Variants in GPR158 observed in about 807,000 individuals in gnomAD.
The protein encoded by GPR158 is G protein-coupled receptor 158, also known as metabotropic glycine receptor.
GPR158 carries 30 observed loss-of-function variants against 78.2 expected under a neutral mutation model. The ratio of observed to expected loss-of-function variants is 0.38; its 90% CI spans 0.29 to 0.52. The LOEUF is 0.52. GPR158 is among the 20% of genes least tolerant of loss of function. GPR158 has a pLI of 0.83. For synonymous variants in GPR158, 581 were observed against 591.1 expected (o/e 0.98, Z 0.25); for missense variants, 1,463 against 1,523.5 (o/e 0.96, Z 0.66).
At chr10:25,438,875 A>C (rs1370378850) in intron 4 of GPR158, among the ~76,000 whole-genome samples, 1 of 152,236 alleles carries the variant, frequency 6.6e-6, no homozygotes, top group Non-Finnish European at 1.5e-5. Flanking sequence ...GCTGCCATTT[A>C]GAAAAAAAAT....
At chr10:25,466,780 T>A in intron 5 of GPR158, 61 bp downstream of exon 5, 1 of 877,742 alleles carries the variant, frequency 1.1e-6, no homozygotes, top group Non-Finnish European at 1.8e-6. Context: ...ACTATAAAGT[T>A]ACTGTTTACA....
chr10:25,599,369 C>A lies in GPR158; in HGVS notation c.*95C>A. 1.0e-6 allele frequency: 1 copy of A among 985,592 alleles called. No homozygotes were observed. Among genetic ancestry groups the A allele is most frequent in the Non-Finnish European group, 1.5e-6 (1 of 671,166 alleles). 61.1% of individuals were successfully genotyped at this position (985,592 alleles called of 1,614,324 possible). ...ATATTCCCAAGGAGGATTTGTCAAT[C>A]AAGGAAAACATGACAGATGGTGAGG... On this transcript the variant is annotated 3_prime_UTR_variant, in exon 11 of 11. Transcript: ENST00000376351.
At chr10:25,440,230 T>C (rs988469386) in intron 4 of GPR158, among the ~76,000 whole-genome samples, 3 of 152,206 alleles carry the variant, frequency 2.0e-5, no homozygotes, top group Non-Finnish European at 4.4e-5. Context: ...ATGGAATGAA[T>C]AGTGGCTCAG....
chr10:25,305,347 A>G (rs1854657672), intron 2 of GPR158, among the ~76,000 whole-genome samples: 2 of 152,180 alleles, frequency 1.3e-5, no homozygotes, highest in Non-Finnish European at 2.9e-5. Context: ...ACTATGTGCC[A>G]GGGTGTGTTA....
chr10:25,338,622 A>ATACATATTATATC (rs1855260833), intron 2 of GPR158, among the ~76,000 whole-genome samples: 1 of 147,422 alleles, frequency 6.8e-6, no homozygotes. Context: ...AATCATATAA[A>ATACATATTATATC]TATATAAGCT....
intron 7 of GPR158, among the ~76,000 whole-genome samples, chr10:25,578,002 T>G (rs1169306564): frequency 6.6e-6 from 1 of 152,230 alleles, no homozygotes; most frequent in African/African-American, 2.4e-5. Context: ...AGTTTTAAAA[T>G]GTGGATGTTC....
At chr10:25,502,159 TCTGAGA>T (rs1299196957) in intron 5 of GPR158, among the ~76,000 whole-genome samples, 1 of 151,790 alleles carries the variant, frequency 6.6e-6, no homozygotes, top group Non-Finnish European at 1.5e-5. Flanking sequence ...AATGCCTGAG[TCTGAGA>T]CTATTTTAAG....
intron 1 of GPR158, among the ~76,000 whole-genome samples, chr10:25,199,174 G>C (rs371208200): frequency 2.0e-5 from 3 of 150,356 alleles, no homozygotes; most frequent in Admixed American, 6.7e-5. Context: ...ACATGTACAG[G>C]TCTGTTATGT....
intron 5 of GPR158, among the ~76,000 whole-genome samples, chr10:25,517,908 C>T (rs1451619847): frequency 1.6e-5 from 2 of 125,282 alleles, no homozygotes; most frequent in African/African-American, 6.6e-5. Context: ...GGGAGGATTC[C>T]CTCTTTTTCT....
At chr10:25,577,743 TTTC>T (rs1295075482) in intron 7 of GPR158, among the ~76,000 whole-genome samples, 2 of 152,178 alleles carry the variant, frequency 1.3e-5, no homozygotes, top group Non-Finnish European at 2.9e-5. Flanking sequence ...AGAGCCACAG[TTTC>T]TTCTTTGAAG....
At chr10:25,224,413 T>C (rs922853155) in intron 2 of GPR158, among the ~76,000 whole-genome samples, 2 of 151,628 alleles carry the variant, frequency 1.3e-5, no homozygotes, top group African/African-American at 4.8e-5. Flanking sequence ...TCTTTTGTTA[T>C]ATTTTTATGT....
intron 10 of GPR158, among the ~76,000 whole-genome samples, chr10:25,597,289 G>A (rs1837420604): frequency 6.6e-6 from 1 of 152,146 alleles, no homozygotes; most frequent in Non-Finnish European, 1.5e-5. Flanking sequence ...TTTATCAATG[G>A]CTGCATGATT....
At chr10:25,406,859 G>T (rs112281791) in intron 3 of GPR158, among the ~76,000 whole-genome samples, 185 of 152,230 alleles carry the variant, frequency 1.2e-3, no homozygotes, top group African/African-American at 4.0e-3. Context: ...CTATCATAAA[G>T]ATCATTAAGA....
At chr10:25,457,140 C>CT (rs11384299) in intron 4 of GPR158, among the ~76,000 whole-genome samples, 34,112 of 59,020 alleles carry the variant, frequency 0.58, 12,295 homozygotes, top group Non-Finnish European at 0.71. Flanking sequence ...CCATGCCCAC[C>CT]TTTTTTTTTT....
chr10:25,440,083 C>G (rs1835048518), intron 4 of GPR158, among the ~76,000 whole-genome samples: 1 of 152,160 alleles, frequency 6.6e-6, no homozygotes, highest in African/African-American at 2.4e-5. Flanking sequence ...AAAGGTGAAC[C>G]TGTTGGTAGG....
intron 3 of GPR158, among the ~76,000 whole-genome samples, chr10:25,403,384 G>A (rs942005497): frequency 1.3e-5 from 2 of 151,982 alleles, no homozygotes; most frequent in Non-Finnish European, 2.9e-5. Flanking sequence ...AAATGCTACT[G>A]TAACCTTCTC....
chr10:25,589,165 A>T lies in GPR158; in HGVS notation c.1892+20A>T, dbSNP rs1202869196. The T allele has an allele frequency of 6.5e-7, 1 of 1,549,892 alleles. No homozygotes were observed. Among genetic ancestry groups the T allele is most frequent in the Non-Finnish European group, 8.8e-7 (1 of 1,133,464 alleles). On this transcript the variant is annotated intron_variant, in intron 8 of 10. Transcript: ENST00000376351. ...AATTAGGCAAGTGATCTGTAGAGCT[A>T]GTAAATAACTATTTTATTTTTCTGA...
intron 7 of GPR158, among the ~76,000 whole-genome samples, chr10:25,585,095 C>T (rs1297151283): frequency 6.6e-6 from 1 of 152,210 alleles, no homozygotes. Context: ...CACAATTAAT[C>T]AGTTACAAAG....
At chr10:25,287,855 C>T (rs748641517) in intron 2 of GPR158, among the ~76,000 whole-genome samples, 1 of 151,966 alleles carries the variant, frequency 6.6e-6, no homozygotes, top group Non-Finnish European at 1.5e-5. Flanking sequence ...CCTTTGCAAC[C>T]TTCTGCGTCC....
Sources: allele counts gnomAD v4.1 joint callset (sites outside exome capture counted in the v4.1 genomes callset), GRCh38; gene constraint gnomAD v4.1.1; transcripts MANE v1.5; gene names NCBI Gene and HGNC (gene_info 2026-07-23, HGNC 2026-07-21).